The following PPP2R2C variants were observed in gnomAD, a reference collection of about 807,000 sequenced individuals.
PPP2R2C encodes protein phosphatase 2, regulatory subunit B, gamma.
PPP2R2C carries 10 observed loss-of-function variants against 45.3 expected under a neutral mutation model. The observed-to-expected ratio is 0.22, with a 90% CI of 0.14 to 0.37. The LOEUF (loss-of-function observed/expected upper bound fraction) is 0.37, where lower values mean the gene tolerates loss of function less well. PPP2R2C is among the 10% of genes least tolerant of loss of function. The probability of loss-of-function intolerance (pLI) is 1.00; values close to 1 mark genes in which losing one functional copy is unlikely to be tolerated. For synonymous variants in PPP2R2C, 257 were observed against 245.4 expected (o/e 1.05, Z -0.44); for missense variants, 308 against 619.7 (o/e 0.50, Z 5.34).
Position 6,329,156 on chromosome 4 carries a change from G to T in PPP2R2C, c.1052+106C>A. On this transcript the variant is annotated intron_variant, in intron 8 of 8. Transcript: ENST00000382599. The surrounding 1 kb of genome is among the most constrained non-coding windows in gnomAD (Gnocchi z 5.8). ...CACCCAGACACCTGGACCCATTGAG[G>T]CTGAGTAGCCCCATGCTGCGGGTCA... The T allele has an allele frequency of 9.4e-7, 1 of 1,069,030 alleles. No homozygotes were observed. The highest frequency in any genetic ancestry group is 1.4e-6 in the Non-Finnish European group (1 of 712,862). 66.2% of individuals were successfully genotyped at this position (1,069,030 alleles called of 1,614,324 possible). A position where few individuals can be genotyped will look rare whatever the true frequency, so the allele number is the denominator to read the frequency against.
At chr4:6,522,839 C>A (rs1724069626) in intron 2 of PPP2R2C, among the ~76,000 whole-genome samples, 1 of 152,208 alleles carries the variant, frequency 6.6e-6, no homozygotes, top group South Asian at 2.1e-4. Context: ...GGGAGACAGA[C>A]AAACAGACAG....
rs1248374290 is a variant in PPP2R2C at position 6,563,071 on chromosome 4, C to T, written c.-59+489G>A. Reference sequence around the variant, plus strand: ...CGCGTAGACGCTGCTGGATGGTACCCGCGGCCGGGACTGAACTCCGCCGCA... The same window carrying T: ...CGCGTAGACGCTGCTGGATGGTACCTGCGGCCGGGACTGAACTCCGCCGCA... On this transcript the variant is annotated intron_variant, in intron 1 of 9. Transcript: ENST00000506140. The surrounding 1 kb of genome is among the most constrained non-coding windows in gnomAD (Gnocchi z 5.8). Among the ~76,000 whole-genome samples, 5 of 152,172 alleles carry T rather than the reference C, an allele frequency of 3.3e-5. No individual in the cohort carries two copies. Among genetic ancestry groups the T allele is most frequent in the Non-Finnish European group, 7.4e-5 (5 of 68,016 alleles).
At chr4:6,351,035 G>C (rs4565152) in intron 5 of PPP2R2C, 1 of 985,182 alleles carries the variant, frequency 1.0e-6, no homozygotes, top group Non-Finnish European at 1.2e-6. Flanking sequence ...CCAGGCACCA[G>C]AGCTCACACC....
At chr4:6,485,763 C>T (rs564390035) in intron 2 of PPP2R2C, among the ~76,000 whole-genome samples, 2 of 151,816 alleles carry the variant, frequency 1.3e-5, no homozygotes, top group African/African-American at 4.8e-5. Context: ...CTCTTATTGT[C>T]CTGGTCAGTC....
In PPP2R2C at chr4:6,550,479, C is replaced by A. The variant is rs1397770372; in HGVS notation, c.-59+13081G>T. Among the ~76,000 whole-genome samples, 3 of 152,236 alleles carry A rather than the reference C, an allele frequency of 2.0e-5. No individual in the cohort carries two copies. In the East Asian group the frequency reaches 5.8e-4, roughly 29 times the overall value. ...GCACTCCTACAACGCCAACCCGAAA[C>A]ACGTGCTGTTTCCTCTGCCGGGAAT... On this transcript the variant is annotated intron_variant, in intron 1 of 9. Coordinates refer to the PPP2R2C transcript ENST00000506140.
At chr4:6,529,587 G>A (rs998562201) in intron 2 of PPP2R2C, among the ~76,000 whole-genome samples, 8 of 152,168 alleles carry the variant, frequency 5.3e-5, no homozygotes, top group African/African-American at 1.4e-4. Flanking sequence ...ACTGGGTTGC[G>A]GTTCACATGC....
At chr4:6,454,092 T>C (rs1288836319) in intron 1 of PPP2R2C, among the ~76,000 whole-genome samples, 1 of 152,218 alleles carries the variant, frequency 6.6e-6, no homozygotes, top group East Asian at 1.9e-4. Context: ...GGACCCGTTC[T>C]TCCTGTGACT....
intron 1 of PPP2R2C, among the ~76,000 whole-genome samples, chr4:6,413,490 A>G (rs1439284219): frequency 6.6e-6 from 1 of 152,174 alleles, no homozygotes. Flanking sequence ...ATACTTAGTG[A>G]GCCCAACACA....
Position 6,470,779 on chromosome 4 carries a change from A to G in PPP2R2C, c.70+1381T>C, listed in dbSNP as rs1721828172. Among the ~76,000 whole-genome samples, 3 of 151,966 alleles carry G rather than the reference A, an allele frequency of 2.0e-5. No homozygotes were observed. The South Asian group carries it at 6.2e-4, about 32-fold the overall frequency. On this transcript the variant is annotated intron_variant, in intron 1 of 8. Transcript: ENST00000382599. ...GGCCTCCCAAAGCCGCGGCCGGGTC[A>G]GAGCCCCACCGGCCCGGAGGCCCGG...
At chr4:6,463,489 C>G (rs1407609347) in intron 1 of PPP2R2C, among the ~76,000 whole-genome samples, 3 of 152,228 alleles carry the variant, frequency 2.0e-5, no homozygotes, top group Non-Finnish European at 2.9e-5. Flanking sequence ...TTTGTTCTGC[C>G]TCAATGGGAC....
intron 1 of PPP2R2C, among the ~76,000 whole-genome samples, chr4:6,463,509 T>G (rs975328052): frequency 6.6e-6 from 1 of 152,226 alleles, no homozygotes; most frequent in Non-Finnish European, 1.5e-5. Flanking sequence ...CATTCAGCCC[T>G]GGGTTCTGGA....
chr4:6,478,766 G>T (rs1281743588), intron 2 of PPP2R2C, among the ~76,000 whole-genome samples: 3 of 152,336 alleles, frequency 2.0e-5, no homozygotes, highest in Admixed American at 2.0e-4. Flanking sequence ...AAAACGCAGC[G>T]GCTTCAAGGC....
Position 6,332,608 on chromosome 4 carries a change from G to A in PPP2R2C, c.960+954C>T, listed in dbSNP as rs373315887. Among the ~76,000 whole-genome samples the A allele has an allele frequency of 3.3e-5, 5 of 152,188 alleles. No homozygotes were observed. In the East Asian group the frequency reaches 7.7e-4, roughly 23 times the overall value. ...CGCACGGAGGAAAGGAAAGCGTAGG[G>A]CTCTGAGCCTGGGCTCTGAATCTGT... On this transcript the variant is annotated intron_variant, in intron 7 of 8. Transcript: ENST00000382599. This position sits in a 1 kb window ranked among gnomAD's most constrained non-coding sequence, Gnocchi z 4.9.
chr4:6,370,931 C>G (rs1465376889), intron 5 of PPP2R2C, among the ~76,000 whole-genome samples: 2 of 152,210 alleles, frequency 1.3e-5, no homozygotes, highest in Admixed American at 6.5e-5. Flanking sequence ...GGTCCCAATC[C>G]TTCCTGGAAC....
chr4:6,356,114 G>A (rs1454154551), intron 5 of PPP2R2C, among the ~76,000 whole-genome samples: 2 of 151,790 alleles, frequency 1.3e-5, no homozygotes, highest in African/African-American at 2.4e-5. Context: ...GGTCTCCACT[G>A]CACCTGCTCC....
intron 2 of PPP2R2C, among the ~76,000 whole-genome samples, chr4:6,503,198 C>T (rs1167200117): frequency 2.6e-5 from 4 of 152,230 alleles, no homozygotes; most frequent in Non-Finnish European, 4.4e-5. Flanking sequence ...TGCCCCAGCA[C>T]TCCTCGGACC....
chr4:6,483,546 T>C (rs1218622572), intron 2 of PPP2R2C, among the ~76,000 whole-genome samples: 1 of 152,162 alleles, frequency 6.6e-6, no homozygotes, highest in Non-Finnish European at 1.5e-5. Context: ...TGCTCATCTT[T>C]TCGTGTGCTT....
In PPP2R2C at chr4:6,423,252, G is replaced by A. The variant is rs1387406655; in HGVS notation, c.71-42158C>T. Among the ~76,000 whole-genome samples the A allele has an allele frequency of 2.0e-5, 3 of 152,316 alleles. No individual in the cohort carries two copies. The East Asian group carries it at 5.8e-4, about 29-fold the overall frequency. ...ACAGTCTCACTCTGTCACCCAGGCTGGAGTGCAGTGGTGCAATCTCGGCTC... is the reference window on the plus strand; with the variant it reads ...ACAGTCTCACTCTGTCACCCAGGCTAGAGTGCAGTGGTGCAATCTCGGCTC... On this transcript the variant is annotated intron_variant, in intron 1 of 8. Coordinates refer to ENST00000382599, the MANE Select transcript of PPP2R2C (RefSeq NM_020416.4).
rs1418857747 is a variant in PPP2R2C, at chr4:6,383,424, T to A, written c.71-2330A>T. 3.9e-6 allele frequency: 5 copies of A among 1,289,830 alleles called. No individual in the cohort carries two copies. The Admixed American group carries it at 9.2e-5, about 24-fold the overall frequency. 79.9% of individuals were successfully genotyped at this position (1,289,830 alleles called of 1,614,324 possible). The stretch of plus-strand genomic sequence containing the variant: ...CCTCCTCCCCTTCCCCAGCCTCATC[T>A]ACTGCTCTCCACCTGCTTATTCCCC... On this transcript the variant is annotated intron_variant, in intron 1 of 8. Coordinates refer to ENST00000382599, the MANE Select transcript of PPP2R2C (RefSeq NM_020416.4).
Sources: gnomAD v4.1 joint callset for allele counts (sites outside exome capture counted in the v4.1 genomes callset) on GRCh38, gnomAD v4.1.1 for gene constraint, Gnocchi (gnomAD v3.1) non-coding constraint, MANE v1.5 for transcripts, NCBI Gene and HGNC (gene_info 2026-07-23, HGNC 2026-07-21) for gene names.